Variants in FARSB observed in about 807,000 individuals in gnomAD.
The protein encoded by FARSB is phenylalanyl-tRNA synthetase subunit beta, also known as phenylalanine--tRNA ligase beta subunit.
In FARSB, 40 loss-of-function variants were observed where a neutral mutation model predicts 69.6. The ratio of observed to expected loss-of-function variants is 0.57; its 90% CI spans 0.45 to 0.75. The LOEUF (loss-of-function observed/expected upper bound fraction) is 0.75, where lower values mean the gene tolerates loss of function less well. Ranked by LOEUF, FARSB falls within the 30% of genes least tolerant of loss-of-function variation. The pLI is 0.00. For missense variants in FARSB, 632 were observed against 722.9 expected (o/e 0.87, Z 1.44); for synonymous variants, 235 against 247.2 (o/e 0.95, Z 0.46).
chr2:222,655,547 G>A (rs1453871421), intron 1 of FARSB, among the ~76,000 whole-genome samples: 1 of 152,180 alleles, frequency 6.6e-6, no homozygotes, highest in Non-Finnish European at 1.5e-5. Context: ...TCTTAGAACA[G>A]TGCCTGACAC....
chr2:222,645,727 G>GA (rs1678962981), intron 2 of FARSB, among the ~76,000 whole-genome samples: 1 of 151,104 alleles, frequency 6.6e-6, no homozygotes. Flanking sequence ...TTTTACCATA[G>GA]AATTTCTAAA....
intron 15 of FARSB, among the ~76,000 whole-genome samples, chr2:222,610,716 A>G (rs1690826946): frequency 6.6e-6 from 1 of 152,250 alleles, no homozygotes; most frequent in African/African-American, 2.4e-5. Flanking sequence ...CAACAAGACC[A>G]AACACCAACA....
rs869277740 is a variant in FARSB, at chr2:222,582,930, GA to G, written c.1619-10909del. Reference sequence around the variant, plus strand: ...ACAGAGCAAGACTATGTCTCCAAAAGAAAAAAAAAAAAAGAGCAATAATGTA... The same window carrying G: ...ACAGAGCAAGACTATGTCTCCAAAAGAAAAAAAAAAAAGAGCAATAATGTA... On this transcript the variant is annotated intron_variant, in intron 16 of 16. Coordinates refer to ENST00000281828, the MANE Select transcript of FARSB (RefSeq NM_005687.5). Among the ~76,000 whole-genome samples, 579 of 104,418 alleles carry G rather than the reference GA, an allele frequency of 5.5e-3. 1 individual carries two copies. The highest frequency in any genetic ancestry group is 0.028 in the South Asian group (98 of 3,512). 68.5% of individuals were successfully genotyped at this position (104,418 alleles called of 152,430 possible).
At chr2:222,615,294 A>G (rs1690968935) in intron 14 of FARSB, among the ~76,000 whole-genome samples, 1 of 152,244 alleles carries the variant, frequency 6.6e-6, no homozygotes, top group Non-Finnish European at 1.5e-5. Flanking sequence ...AACATTCTTA[A>G]GCTGGCTTCT....
intron 16 of FARSB, among the ~76,000 whole-genome samples, chr2:222,592,699 A>AGAG (rs1387267989): frequency 2.0e-5 from 3 of 150,520 alleles, no homozygotes; most frequent in African/African-American, 7.3e-5. Flanking sequence ...AGAAGAGAAG[A>AGAG]GAGGACCATG....
At chr2:222,600,143 T>A in intron 15 of FARSB, 60 bp from the exon 16 acceptor site, 1 of 1,352,314 alleles carries the variant, frequency 7.4e-7, no homozygotes, top group South Asian at 1.4e-5. Context: ...GAAACTGATT[T>A]ACCCCAGTAC....
At chr2:222,641,080 A>T (rs2106236920) in intron 3 of FARSB, 149 bp from the exon 4 acceptor site, 1 of 435,028 alleles carries the variant, frequency 2.3e-6, no homozygotes, top group Admixed American at 4.4e-5. Flanking sequence ...AACACTAAAA[A>T]AAAAAAACAA....
At position 222,571,971 on chromosome 2, in the gene FARSB, C is replaced by G; in HGVS notation, c.1670G>C (p.Ser557Thr). 6.2e-7 allele frequency: 1 copy of G among 1,614,002 alleles called. No individual in the cohort carries two copies. Among genetic ancestry groups the G allele is most frequent in the African/African-American group, 1.3e-5 (1 of 75,010 alleles). ...ATGAAGGACCCCAAGCTTCCCGACGCTTTGACCCCTGGCAAAGATCTCTGC... is the reference window on the plus strand; with the variant it reads ...ATGAAGGACCCCAAGCTTCCCGACGGTTTGACCCCTGGCAAAGATCTCTGC... The part of the protein sequence containing the change: ...RCAEIFARGQ[S>T]VGKLGVLHPD... The change falls in exon 17 of 17, where the codon AGC becomes ACC. Residue 557 changes from serine to threonine, a missense_variant. Physicochemically the swap from Ser to Thr is moderately conservative, Grantham distance 58. Coordinates refer to ENST00000281828, the MANE Select transcript of FARSB (RefSeq NM_005687.5).
chr2:222,648,888 T>C, intron 1 of FARSB, 93 bp from the exon 2 acceptor site: 1 of 832,676 alleles, frequency 1.2e-6, no homozygotes, highest in Non-Finnish European at 2.1e-6. Context: ...CTAATTGCCT[T>C]ACACCAATCA....
intron 14 of FARSB, among the ~76,000 whole-genome samples, chr2:222,617,894 A>G (rs1691038143): frequency 6.6e-6 from 1 of 152,236 alleles, no homozygotes; most frequent in Non-Finnish European, 1.5e-5. Flanking sequence ...AAAAATAAAT[A>G]AAAATAAAAT....
At chr2:222,646,977 C>A (rs774630609) in intron 2 of FARSB, among the ~76,000 whole-genome samples, 1 of 152,214 alleles carries the variant, frequency 6.6e-6, no homozygotes, top group Non-Finnish European at 1.5e-5. Flanking sequence ...GCACCTTGGA[C>A]ATAAAAGCTC....
intron 13 of FARSB, among the ~76,000 whole-genome samples, chr2:222,622,732 A>G (rs1236035854): frequency 6.6e-6 from 1 of 152,142 alleles, no homozygotes; most frequent in Non-Finnish European, 1.5e-5. Flanking sequence ...GAGATCATGC[A>G]GGTATGGTGG....
intron 1 of FARSB, among the ~76,000 whole-genome samples, chr2:222,649,045 G>A (rs960171093): frequency 6.6e-6 from 1 of 151,694 alleles, no homozygotes; most frequent in Non-Finnish European, 1.5e-5. Flanking sequence ...TGGCCAACAC[G>A]GTGAAACCCT....
chr2:222,597,700 T>C (rs1690455567), intron 16 of FARSB, among the ~76,000 whole-genome samples: 1 of 152,140 alleles, frequency 6.6e-6, no homozygotes, highest in South Asian at 2.1e-4. Context: ...GTTTCTTAAA[T>C]CAGTCCTTTC....
At chr2:222,595,872 C>A (rs1248988803) in intron 16 of FARSB, among the ~76,000 whole-genome samples, 1 of 150,674 alleles carries the variant, frequency 6.6e-6, no homozygotes, top group Non-Finnish European at 1.5e-5. Context: ...ATTAAGTTTG[C>A]AACAAACCAC....
At chr2:222,644,603 GA>G in intron 2 of FARSB, 1 of 432,734 alleles carries the variant, frequency 2.3e-6, no homozygotes, top group Admixed American at 2.5e-5. Context: ...CCGGAGAAAT[GA>G]AGGCATCTGC....
At chr2:222,632,417 G>A (rs369287694) in intron 7 of FARSB, among the ~76,000 whole-genome samples, 1 of 152,112 alleles carries the variant, frequency 6.6e-6, no homozygotes, top group African/African-American at 2.4e-5. Context: ...GTCTAGAACT[G>A]GTTAACTCTG....
rs1216093342 is a variant in FARSB, at chr2:222,587,482, G to A, written c.1618+12446C>T. On this transcript the variant is annotated intron_variant, in intron 16 of 16. Coordinates refer to ENST00000281828, the MANE Select transcript of FARSB (RefSeq NM_005687.5). Reference sequence around the variant, plus strand: ...CAAGAGCAAACACATTCAAAAGCTAGCAGAAGGCAAGAAATAACTAAGATC... The same window carrying A: ...CAAGAGCAAACACATTCAAAAGCTAACAGAAGGCAAGAAATAACTAAGATC... 3.3e-5 allele frequency among the ~76,000 whole-genome samples: 5 copies of A among 152,150 alleles called. No homozygotes were observed. In the East Asian group the frequency reaches 7.7e-4, roughly 23 times the overall value.
chr2:222,590,077 G>A (rs926880525), intron 16 of FARSB, among the ~76,000 whole-genome samples: 3 of 152,098 alleles, frequency 2.0e-5, no homozygotes, highest in African/African-American at 7.2e-5. Context: ...TATGTTTATT[G>A]CGGCACTATT....
Sources: allele counts gnomAD v4.1 joint callset (sites outside exome capture counted in the v4.1 genomes callset), GRCh38; gene constraint gnomAD v4.1.1; transcripts MANE v1.5; gene names NCBI Gene and HGNC (gene_info 2026-07-23, HGNC 2026-07-21).